PKN2: variants seen among roughly 807,000 people sequenced by gnomAD.
PKN2 encodes the protein protein kinase N2.
In PKN2, 38 loss-of-function variants were observed where a neutral mutation model predicts 119.1. The ratio of observed to expected loss-of-function variants is 0.32; its 90% CI spans 0.25 to 0.42. The LOEUF is 0.42. Ranked by LOEUF, PKN2 falls within the 10% of genes least tolerant of loss-of-function variation. The pLI is 1.00. For missense variants in PKN2, 850 were observed against 1,165.1 expected (o/e 0.73, Z 3.94); for synonymous variants, 390 against 384.9 (o/e 1.01, Z -0.15).
At chr1:88,751,258 G>C (rs1163209853) in intron 2 of PKN2, among the ~76,000 whole-genome samples, 1 of 151,766 alleles carries the variant, frequency 6.6e-6, no homozygotes. Context: ...ATTCAACTTT[G>C]CAGTATGTTT....
intron 16 of PKN2, among the ~76,000 whole-genome samples, chr1:88,817,599 T>TCAGGAGG (rs1376128448): frequency 6.7e-6 from 1 of 149,026 alleles, no homozygotes; most frequent in African/African-American, 2.5e-5. Flanking sequence ...TCTCGGCTGC[T>TCAGGAGG]CAGGAGGCAG....
chr1:88,746,213 G>A (rs1668764285), intron 2 of PKN2, among the ~76,000 whole-genome samples: 1 of 152,080 alleles, frequency 6.6e-6, no homozygotes, highest in East Asian at 1.9e-4. Context: ...TATGACATTG[G>A]TCTAGGCAGT....
chr1:88,815,227 A>C lies in PKN2; in HGVS notation c.2279+1494A>C, dbSNP rs1049258852. Among the ~76,000 whole-genome samples, 9 of 152,324 alleles carry C rather than the reference A, an allele frequency of 5.9e-5. No individual in the cohort carries two copies. In the East Asian group the frequency reaches 1.7e-3, roughly 29 times the overall value. ...TTAAGAAACTGTTATTTTTGCTGAG[A>C]ATATAAATTATATACAAATAAAACC... On this transcript the variant is annotated intron_variant, in intron 16 of 21. Transcript: ENST00000370521.
intron 8 of PKN2, among the ~76,000 whole-genome samples, chr1:88,789,490 CTA>C (rs1425369119): frequency 3.9e-5 from 6 of 152,082 alleles, no homozygotes; most frequent in Non-Finnish European, 8.8e-5. Context: ...TAGTGAAACC[CTA>C]TCTCTATTAA....
intron 1 of PKN2, among the ~76,000 whole-genome samples, chr1:88,690,111 T>A (rs1183222659): frequency 2.6e-5 from 4 of 152,170 alleles, no homozygotes; most frequent in Non-Finnish European, 5.9e-5. Flanking sequence ...AGAGATTAGG[T>A]CTAGTATCAT....
At chr1:88,828,714 G>A (rs1672606498) in intron 19 of PKN2, 91 bp downstream of exon 19, 3 of 1,048,896 alleles carry the variant, frequency 2.9e-6, no homozygotes, top group Non-Finnish European at 4.1e-6. Flanking sequence ...ACTGTCTTCA[G>A]TATGAGTGGA....
Position 88,800,725 on chromosome 1 carries a change from A to G in PKN2, c.1282-3666A>G, listed in dbSNP as rs572565204. On this transcript the variant is annotated intron_variant, in intron 8 of 21. Transcript: ENST00000370521. ...ATAGATGTGTACTGTTCTTTTTTCA[A>G]TTGCAATACATGTTTTAATTTGTTG... 2.0e-5 allele frequency among the ~76,000 whole-genome samples: 3 copies of G among 152,290 alleles called. No homozygotes were observed. In the South Asian group the frequency reaches 6.2e-4, roughly 32 times the overall value.
At chr1:88,723,424 T>A (rs1484637269) in intron 1 of PKN2, among the ~76,000 whole-genome samples, 1 of 127,894 alleles carries the variant, frequency 7.8e-6, no homozygotes, top group African/African-American at 2.9e-5. Context: ...CCCCCCCTTT[T>A]ATTTATTTGT....
rs192881658 is a variant in PKN2 at position 88,716,615 on chromosome 1, C to T, written c.49-24373C>T. 5.3e-5 allele frequency among the ~76,000 whole-genome samples: 8 copies of T among 152,228 alleles called. No homozygotes were observed. In the East Asian group the frequency reaches 1.5e-3, roughly 29 times the overall value. On this transcript the variant is annotated intron_variant, in intron 1 of 21. Transcript: ENST00000370521. ...GTTTTATCAGAGACGAGGACTGCAA[C>T]CCCTGCTTTTTTTTTGTTTTCCATT...
chr1:88,739,533 TAAAG>T (rs1331087857), intron 1 of PKN2, among the ~76,000 whole-genome samples: 2 of 152,288 alleles, frequency 1.3e-5, no homozygotes, highest in East Asian at 3.9e-4. Context: ...CTCAAAAAAT[TAAAG>T]AAAATCTTTG....
Position 88,820,229 on chromosome 1 carries a change from TATATAA to T in PKN2, c.2280-1708_2280-1703del, listed in dbSNP as rs1437781082. Among the ~76,000 whole-genome samples the T allele has an allele frequency of 4.8e-4, 20 of 41,890 alleles. 1 individual carries two copies. Among genetic ancestry groups the T allele is most frequent in the African/African-American group, 7.0e-4 (7 of 9,952 alleles). 27.5% of individuals were successfully genotyped at this position (41,890 alleles called of 152,430 possible). ...ATATATATATATATATATATATATA[TATATAA>T]ATAGAAAAAAATAAAAATGCGAGGC... On this transcript the variant is annotated intron_variant, in intron 16 of 21. Coordinates refer to ENST00000370521, the MANE Select transcript of PKN2 (RefSeq NM_006256.4).
At chr1:88,743,532 ATGAC>A (rs1023581346) in intron 2 of PKN2, among the ~76,000 whole-genome samples, 1 of 152,154 alleles carries the variant, frequency 6.6e-6, no homozygotes, top group Non-Finnish European at 1.5e-5. Flanking sequence ...AAAACCTTCC[ATGAC>A]ATTCTCTGCT....
intron 16 of PKN2, among the ~76,000 whole-genome samples, chr1:88,817,212 G>T (rs111858208): frequency 6.6e-6 from 1 of 151,976 alleles, no homozygotes; most frequent in African/African-American, 2.4e-5. Flanking sequence ...CGATCAAGTC[G>T]GCTTCATCCC....
intron 17 of PKN2, among the ~76,000 whole-genome samples, chr1:88,822,753 A>G (rs1446118935): frequency 2.6e-5 from 4 of 151,898 alleles, no homozygotes; most frequent in Admixed American, 6.6e-5. Flanking sequence ...TAATTTTTGT[A>G]TTTTTAGTAT....
intron 2 of PKN2, among the ~76,000 whole-genome samples, chr1:88,752,782 T>C (rs1669052870): frequency 6.6e-6 from 1 of 152,128 alleles, no homozygotes. Flanking sequence ...CTTTCAGCTT[T>C]TCTGTATCAT....
chr1:88,796,818 G>A (rs1285088075), intron 8 of PKN2, among the ~76,000 whole-genome samples: 1 of 151,890 alleles, frequency 6.6e-6, no homozygotes, highest in Non-Finnish European at 1.5e-5. Context: ...AGGACCATAT[G>A]TTACTTATCT....
At chr1:88,805,068 G>T (rs1671482306) in intron 10 of PKN2, 147 bp downstream of exon 10, 5 of 550,462 alleles carry the variant, frequency 9.1e-6, no homozygotes, top group Non-Finnish European at 1.6e-5. Context: ...TATTTTAAAT[G>T]TATCCATAAG....
Position 88,739,752 on chromosome 1 carries a change from A to G in PKN2, c.49-1236A>G, listed in dbSNP as rs535349028. ...TAAATGATATAGAAATAGCTAGAAC[A>G]TAACTTTAGTTGTTGTAAATATAGA... On this transcript the variant is annotated intron_variant, in intron 1 of 21. Coordinates refer to ENST00000370521, the MANE Select transcript of PKN2 (RefSeq NM_006256.4). Among the ~76,000 whole-genome samples, 81 of 152,360 alleles carry G rather than the reference A, an allele frequency of 5.3e-4. 2 individuals carry two copies. The South Asian group carries it at 0.017, about 31-fold the overall frequency.
At chr1:88,781,947 C>T (rs919497245) in intron 6 of PKN2, among the ~76,000 whole-genome samples, 1 of 152,086 alleles carries the variant, frequency 6.6e-6, no homozygotes, top group African/African-American at 2.4e-5. Flanking sequence ...ACATTATTGA[C>T]ACTCCACCTC....
Sources: allele counts gnomAD v4.1 joint callset (sites outside exome capture counted in the v4.1 genomes callset), GRCh38; gene constraint gnomAD v4.1.1; transcripts MANE v1.5; gene names NCBI Gene and HGNC (gene_info 2026-07-23, HGNC 2026-07-21).